The following PLAAT3 variants were observed in gnomAD, a reference collection of about 807,000 sequenced individuals.
The protein encoded by PLAAT3 is Ca-independent phospholipase A1/2.
Under a neutral mutation model 16.7 loss-of-function variants are expected in PLAAT3, and 21 were observed. That is an observed-to-expected ratio of 1.26 (90% CI 0.89 to 1.81). The LOEUF (loss-of-function observed/expected upper bound fraction) is 1.81, where lower values mean the gene tolerates loss of function less well. Among genes scored for constraint, PLAAT3 ranks in the 40% most tolerant of loss-of-function variants. The pLI, the probability that PLAAT3 is intolerant of heterozygous loss-of-function variation, is 0.00. For synonymous variants in PLAAT3, 76 were observed against 81.7 expected, an observed-to-expected ratio of 0.93 and a Z score of 0.38; for missense variants, 219 against 213.7, an observed-to-expected ratio of 1.02 and a Z score of -0.16.
chr11:63,602,451 C>G (rs1162114742), intron 2 of PLAAT3, among the ~76,000 whole-genome samples: 1 of 151,936 alleles, frequency 6.6e-6, no homozygotes, highest in Admixed American at 6.6e-5. Flanking sequence ...TACACGTCAC[C>G]CATCTCAGCT....
At position 63,582,452 on chromosome 11, in the gene PLAAT3, T is replaced by C. The variant is rs73490178; in HGVS notation, c.388-7406A>G. ...GTAGGTTACTTGACATGGTTTCCCT[T>C]GTGGAGAACTGTACTGAGAGCTAAT... On this transcript the variant is annotated intron_variant, in intron 4 of 4. Transcript: ENST00000415826. Among the ~76,000 whole-genome samples, 1,446 of 152,300 alleles carry C rather than the reference T, an allele frequency of 9.5e-3. 25 individuals are homozygous for C. The highest frequency in any genetic ancestry group is 0.033 in the African/African-American group (1,370 of 41,558).
chr11:63,612,173 A>G (rs923354994), intron 2 of PLAAT3, among the ~76,000 whole-genome samples: 5 of 151,964 alleles, frequency 3.3e-5, no homozygotes, highest in African/African-American at 1.2e-4. Flanking sequence ...TCTGGTGAAG[A>G]TTTTGTTGTT....
intron 4 of PLAAT3, among the ~76,000 whole-genome samples, chr11:63,587,895 CAGCAATG>C (rs1447570794): frequency 6.6e-6 from 1 of 152,036 alleles, no homozygotes; most frequent in East Asian, 1.9e-4. Flanking sequence ...ACCAAGATGA[CAGCAATG>C]CCTCATCAAG....
chr11:63,579,708 A>T (rs1287644585), intron 4 of PLAAT3, among the ~76,000 whole-genome samples: 1 of 112,246 alleles, frequency 8.9e-6, no homozygotes, highest in Non-Finnish European at 1.7e-5. Context: ...AACATCACAC[A>T]CCAGGGCCTG....
intron 2 of PLAAT3, among the ~76,000 whole-genome samples, chr11:63,606,724 G>A (rs945908884): frequency 6.6e-6 from 1 of 152,196 alleles, no homozygotes; most frequent in Non-Finnish European, 1.5e-5. Flanking sequence ...CGGGGCGCGT[G>A]TCTGAGCAAC....
At chr11:63,588,832 T>C (rs191245724) in intron 4 of PLAAT3, among the ~76,000 whole-genome samples, 62 of 151,882 alleles carry the variant, frequency 4.1e-4, no homozygotes, top group Non-Finnish European at 6.8e-4. Flanking sequence ...CTAACAAACA[T>C]GAGGGTTGGT....
chr11:63,600,592 G>T (rs72932239), intron 2 of PLAAT3, among the ~76,000 whole-genome samples: 130 of 123,846 alleles, frequency 1.0e-3, no homozygotes, highest in Middle Eastern at 4.7e-3. Flanking sequence ...TGTTTTTTTT[G>T]TTTTGTTTTG....
In PLAAT3 at chr11:63,589,176, G is replaced by T. The variant is rs11825080; in HGVS notation, c.387+924C>A. Among the ~76,000 whole-genome samples, 335 of 151,330 alleles carry T rather than the reference G, an allele frequency of 2.2e-3. 1 individual carries two copies. The highest frequency in any genetic ancestry group is 7.9e-3 in the African/African-American group (327 of 41,196). On this transcript the variant is annotated intron_variant, in intron 4 of 4. Coordinates refer to ENST00000415826, the MANE Select transcript of PLAAT3 (RefSeq NM_001128203.2). ...AGGGAGCTGGACTAACTCTCCTGAG[G>T]TCAGACAGCCGGCAAAAGGCAGAGA...
rs1413404846 is a variant in PLAAT3, at chr11:63,614,191, C to T, written c.-54-123G>A. The T allele has an allele frequency of 6.5e-6, 5 of 765,104 alleles. No individual in the cohort carries two copies. In the Admixed American group the frequency reaches 1.3e-4, roughly 20 times the overall value. 47.4% of individuals were successfully genotyped at this position (765,104 alleles called of 1,614,324 possible). ...GCGCCTCGGACCCCAGGAACAACCA[C>T]CTCGCTCCCTTTAACAACTTTCTCG... On this transcript the variant is annotated intron_variant, in intron 1 of 4. Coordinates refer to ENST00000415826, the MANE Select transcript of PLAAT3 (RefSeq NM_001128203.2).
chr11:63,591,773 G>A (rs1023748181), intron 3 of PLAAT3, among the ~76,000 whole-genome samples: 2 of 152,366 alleles, frequency 1.3e-5, no homozygotes, highest in South Asian at 2.1e-4. Flanking sequence ...AAGAGAGGGT[G>A]CCTTATTGGA....
chr11:63,610,510 T>C (rs1003498325), intron 2 of PLAAT3, among the ~76,000 whole-genome samples: 11 of 152,188 alleles, frequency 7.2e-5, no homozygotes, highest in African/African-American at 2.4e-4. Flanking sequence ...ATGCACGGCT[T>C]CCTCCTCCAG....
chr11:63,608,042 C>T (rs1263029659), intron 2 of PLAAT3, among the ~76,000 whole-genome samples: 2 of 151,978 alleles, frequency 1.3e-5, no homozygotes, highest in Non-Finnish European at 1.5e-5. Flanking sequence ...AAAAATTAGG[C>T]GTAGTGGCAC....
chr11:63,575,108 T>C, intron 4 of PLAAT3, 62 bp from the exon 5 acceptor site: 1 of 1,158,922 alleles, frequency 8.6e-7, no homozygotes, highest in Non-Finnish European at 1.3e-6. Flanking sequence ...GGCTGCACAT[T>C]CAGCAGAAAC....
chr11:63,590,181 C>T lies in PLAAT3; in HGVS notation c.306G>A (p.Gln102=). The T allele has an allele frequency of 1.9e-6, 3 of 1,614,200 alleles. No individual in the cohort carries two copies. Among genetic ancestry groups the T allele is most frequent in the Non-Finnish European group, 2.5e-6 (3 of 1,180,000 alleles). The part of the protein sequence containing the change: ...IIQRAEELVG[Q]EVLYKLTSEN... ...CACTGGTCAGCTTGTAGAGCACCTC[C>T]TGCCCCACCAGCTCCTCCGCCCGCT... The change falls in exon 4 of 5, where the codon CAG becomes CAA. Residue 102 remains glutamine, a synonymous_variant. Transcript: ENST00000415826.
intron 2 of PLAAT3, among the ~76,000 whole-genome samples, chr11:63,601,055 ATTTTT>A (rs149796053): frequency 2.1e-5 from 3 of 145,086 alleles, no homozygotes; most frequent in Non-Finnish European, 3.0e-5. Flanking sequence ...AAAAAAAAAA[ATTTTT>A]TTTTTTTTTT....
At chr11:63,590,563 T>C (rs764782719) in intron 3 of PLAAT3, among the ~76,000 whole-genome samples, 195 bp from the exon 4 acceptor site, 20 of 152,194 alleles carry the variant, frequency 1.3e-4, no homozygotes, top group Non-Finnish European at 2.5e-4. Context: ...TTATCTAAAA[T>C]GAAAGGGAGT....
intron 4 of PLAAT3, among the ~76,000 whole-genome samples, chr11:63,582,144 G>C (rs1291961142): frequency 6.6e-6 from 1 of 152,138 alleles, no homozygotes; most frequent in Non-Finnish European, 1.5e-5. Context: ...AGCATGTTGA[G>C]GACTGCCATA....
chr11:63,595,413 T>C (rs921566327), intron 3 of PLAAT3, among the ~76,000 whole-genome samples: 1 of 148,710 alleles, frequency 6.7e-6, no homozygotes, highest in Non-Finnish European at 1.5e-5. Context: ...TAACAGAAAA[T>C]ACACAGCAGT....
intron 1 of PLAAT3, 90 bp downstream of exon 1, chr11:63,614,295 A>G (rs552807167): frequency 1.6e-5 from 8 of 499,272 alleles, no homozygotes; most frequent in Admixed American, 1.5e-4. Context: ...GCCCTACCCA[A>G]TTAGATCTCT....
Sources: allele counts gnomAD v4.1 joint callset (sites outside exome capture counted in the v4.1 genomes callset), GRCh38; gene constraint gnomAD v4.1.1; transcripts MANE v1.5; gene names NCBI Gene and HGNC (gene_info 2026-07-23, HGNC 2026-07-21).